Variants in TG observed in about 807,000 individuals in gnomAD.
TG encodes the protein thyroid hormones.
Under a neutral mutation model 324.7 loss-of-function variants are expected in TG, and 270 were observed. That is an observed-to-expected ratio of 0.83 (90% CI 0.75 to 0.92). The LOEUF is 0.92. Ranked by LOEUF, TG falls within the 40% of genes least tolerant of loss-of-function variation. The probability of loss-of-function intolerance (pLI) is 0.00; values close to 1 mark genes in which losing one functional copy is unlikely to be tolerated. For synonymous variants in TG, 1,401 were observed against 1,327.0 expected, an observed-to-expected ratio of 1.06 and a Z score of -1.21; for missense variants, 3,591 against 3,456.4, an observed-to-expected ratio of 1.04 and a Z score of -0.98.
At chr8:133,059,494 C>T (rs1167390618) in intron 41 of TG, among the ~76,000 whole-genome samples, 1 of 152,168 alleles carries the variant, frequency 6.6e-6, no homozygotes, top group Admixed American at 6.5e-5. Flanking sequence ...CCAAACCTGA[C>T]ATCTCTCCAA....
At chr8:133,008,380 C>T (rs983885205) in intron 35 of TG, among the ~76,000 whole-genome samples, 2 of 151,956 alleles carry the variant, frequency 1.3e-5, no homozygotes, top group Non-Finnish European at 2.9e-5. Flanking sequence ...AAACACCCAC[C>T]AAAACAAATT....
chr8:132,961,115 T>G, intron 28 of TG, 42 bp downstream of exon 28: 5 of 1,593,272 alleles, frequency 3.1e-6, no homozygotes, highest in Non-Finnish European at 4.3e-6. Context: ...GGACGCTGAT[T>G]ACATGAGATT....
intron 35 of TG, chr8:132,988,853 C>T (rs913496907): frequency 2.0e-6 from 2 of 985,386 alleles, no homozygotes; most frequent in Non-Finnish European, 2.4e-6. Context: ...GGACAACGAG[C>T]ATTCAGCTTG....
At chr8:132,912,706 A>G (rs1819706951) in intron 19 of TG, among the ~76,000 whole-genome samples, 1 of 152,178 alleles carries the variant, frequency 6.6e-6, no homozygotes. Context: ...TCAGTGCCTC[A>G]ATGAAGGTTG....
intron 25 of TG, among the ~76,000 whole-genome samples, chr8:132,938,470 A>G (rs1823932563): frequency 6.6e-6 from 1 of 152,188 alleles, no homozygotes. Context: ...GTGACATCAA[A>G]GTGGAACCTC....
chr8:132,971,258 T>A (rs756422122), intron 32 of TG, among the ~76,000 whole-genome samples: 1 of 152,058 alleles, frequency 6.6e-6, no homozygotes, highest in Non-Finnish European at 1.5e-5. Flanking sequence ...TAAACCGAAA[T>A]GCATTGGTAG....
intron 20 of TG, among the ~76,000 whole-genome samples, chr8:132,914,704 G>T (rs1820037355): frequency 6.6e-6 from 1 of 152,176 alleles, no homozygotes; most frequent in Admixed American, 6.5e-5. Flanking sequence ...ATTAATAGAG[G>T]GCGAGTAAGC....
In TG at chr8:133,075,049, G is replaced by A; in HGVS notation, c.7240-19995G>A. ...AACTGGCCGCATACTTCCTCTGCTA[G>A]GAACGAGGAAGGCACAGGGCTTGCA... On this transcript the variant is annotated intron_variant, in intron 41 of 47. Coordinates refer to ENST00000220616, the MANE Select transcript of TG (RefSeq NM_003235.5). The A allele has an allele frequency of 9.1e-6, 9 of 985,332 alleles. No homozygotes were observed. In the South Asian group the frequency reaches 3.8e-4, roughly 41 times the overall value. The allele number at this position is 985,332 out of a possible 1,614,324, so 61.0% of individuals were successfully genotyped here.
chr8:133,104,609 C>A (rs55868060), intron 43 of TG, among the ~76,000 whole-genome samples: 4 of 151,940 alleles, frequency 2.6e-5, no homozygotes, highest in Admixed American at 2.0e-4. Flanking sequence ...TCACAATAGC[C>A]AAGAAAAGAA....
At position 133,049,827 on chromosome 8, in the gene TG, G is replaced by A. The variant is rs1587883416; in HGVS notation, c.7239+19804G>A. On this transcript the variant is annotated intron_variant, in intron 41 of 47. Transcript: ENST00000220616. ...GCCTTCCTTACCACTATGAATGCTG[G>A]AATCTTTGTTCCACCTTATGAGTCA... 9.1e-6 allele frequency: 9 copies of A among 990,288 alleles called. No homozygotes were observed. The East Asian group carries it at 1.9e-4, about 21-fold the overall frequency. 61.3% of individuals were successfully genotyped at this position (990,288 alleles called of 1,614,324 possible). A position where few individuals can be genotyped will look rare whatever the true frequency, so the allele number is the denominator to read the frequency against.
chr8:133,044,321 G>A (rs950850756), intron 41 of TG, among the ~76,000 whole-genome samples: 10 of 152,158 alleles, frequency 6.6e-5, no homozygotes, highest in Admixed American at 3.3e-4. Context: ...CACACCACAT[G>A]ATGCTTGCTT....
intron 41 of TG, chr8:133,049,982 C>T: frequency 6.2e-7 from 1 of 1,610,564 alleles, no homozygotes; most frequent in Non-Finnish European, 8.5e-7. Flanking sequence ...TCCACCAGCC[C>T]CCTTCACTGT....
At chr8:132,952,436 T>G (rs16904794) in intron 27 of TG, among the ~76,000 whole-genome samples, 10,278 of 152,206 alleles carry the variant, frequency 0.068, 1,084 homozygotes, top group African/African-American at 0.23. Flanking sequence ...CTGAGTGAAG[T>G]GCTGGCAGGC....
chr8:132,886,314 A>G (rs1815410797), intron 8 of TG, 134 bp from the exon 9 acceptor site: 15 of 1,263,476 alleles, frequency 1.2e-5, no homozygotes, highest in Admixed American at 1.9e-5. Context: ...TGACACAGAG[A>G]AGAAAGTGGT....
At chr8:133,040,213 T>C in intron 41 of TG, 7 of 1,434,988 alleles carry the variant, frequency 4.9e-6, no homozygotes, top group Non-Finnish European at 6.6e-6. Flanking sequence ...CACTCTCCAG[T>C]GCAGCTCCCT....
chr8:132,887,775 G>T (rs1815636660), intron 9 of TG, among the ~76,000 whole-genome samples: 2 of 152,168 alleles, frequency 1.3e-5, no homozygotes, highest in Non-Finnish European at 2.9e-5. Flanking sequence ...CCACATTTCT[G>T]CAGTGCTGAT....
rs1029154294 is a variant in TG at position 132,962,931 on chromosome 8, G to C, written c.5468-63G>C. 2.7e-6 allele frequency: 4 copies of C among 1,492,838 alleles called. No homozygotes were observed. The African/African-American group carries it at 4.1e-5, about 15-fold the overall frequency. The allele number at this position is 1,492,838 out of a possible 1,614,324, so 92.5% of individuals were successfully genotyped here. Reference sequence around the variant, plus strand: ...TTTCTCACATTGCTACTACCATTTTGTTGACCAGTGGAGTACTACCCATTC... The same window carrying C: ...TTTCTCACATTGCTACTACCATTTTCTTGACCAGTGGAGTACTACCCATTC... On this transcript the variant is annotated intron_variant, in intron 28 of 47. Transcript: ENST00000220616.
At chr8:133,100,749 A>G (rs1261588465) in intron 43 of TG, among the ~76,000 whole-genome samples, 2 of 152,226 alleles carry the variant, frequency 1.3e-5, no homozygotes, top group Non-Finnish European at 2.9e-5. Flanking sequence ...AAATGTACAC[A>G]AACCCAGCTA....
chr8:133,043,147 G>A (rs905885160), intron 41 of TG, among the ~76,000 whole-genome samples: 12 of 152,100 alleles, frequency 7.9e-5, no homozygotes, highest in Admixed American at 3.9e-4. Flanking sequence ...TGAGTGGTTC[G>A]ATGACCAGGA....
Sources: allele counts gnomAD v4.1 joint callset (sites outside exome capture counted in the v4.1 genomes callset), GRCh38; gene constraint gnomAD v4.1.1; transcripts MANE v1.5; gene names NCBI Gene and HGNC (gene_info 2026-07-23, HGNC 2026-07-21).